Variants in PREX1 observed in about 807,000 individuals in gnomAD.
The protein encoded by PREX1 is phosphatidylinositol 3,4,5-trisphosphate-dependent Rac exchanger 1 protein.
A neutral mutation model predicts 198.3 loss-of-function variants in PREX1; 41 were observed. That is an observed-to-expected ratio of 0.21 (90% confidence interval 0.16 to 0.27). PREX1 has a LOEUF of 0.27. PREX1 is among the 10% of genes least tolerant of loss of function. The pLI, the probability that PREX1 is intolerant of heterozygous loss-of-function variation, is 1.00. For synonymous variants in PREX1, 843 were observed against 887.2 expected (o/e 0.95, Z 0.89); for missense variants, 1,620 against 2,200.7 (o/e 0.74, Z 5.28).
chr20:48,844,639 A>T, the PREX1 span, among the ~76,000 whole-genome samples: 4 of 152,164 alleles, frequency 2.6e-5, no homozygotes, highest in Non-Finnish European at 4.4e-5. Context: ...TTGTGACAGC[A>T]CGATGTCTAG....
Position 48,679,731 on chromosome 20 carries a change from T to C in PREX1, c.1459A>G (p.Asn487Asp). 1.2e-6 allele frequency: 2 copies of C among 1,613,340 alleles called. No homozygotes were observed. Among genetic ancestry groups the C allele is most frequent in the Non-Finnish European group, 1.7e-6 (2 of 1,179,296 alleles). Residue 487 changes from asparagine (N) to aspartate (D), a missense_variant, in exon 12 of 40, where the codon AAT becomes GAT. Physicochemically the swap from Asn to Asp is conservative, Grantham distance 23. Around this residue, in one of 7 missense-constraint regions of PREX1, gnomAD observed 488 missense variants for 802.5 expected, o/e 0.61. Coordinates refer to ENST00000371941, the MANE Select transcript of PREX1 (RefSeq NM_020820.4). ...CGGAAGCGATACATCACCTGCTCAT[T>C]CTTGAACTGGTGCTTGTCGGAAACT... ...HHVSDKHQFK[N>D]EQVMYRFRYD...
intron 9 of PREX1, among the ~76,000 whole-genome samples, chr20:48,689,806 C>T (rs911801712): frequency 1.3e-5 from 2 of 152,202 alleles, no homozygotes; most frequent in African/African-American, 4.8e-5. Context: ...CCTAAAAATC[C>T]AGATGTCTAG....
At position 48,646,688 on chromosome 20, in the gene PREX1, A is replaced by G. The variant is rs549108261; in HGVS notation, c.3306-631T>C. Among the ~76,000 whole-genome samples the G allele has an allele frequency of 4.9e-4, 75 of 152,026 alleles. 1 individual carries two copies. The highest frequency in any genetic ancestry group is 1.5e-3 in the African/African-American group (63 of 41,464). Reference sequence around the variant, plus strand: ...GAGAACCCATCTCAAAAAAAAAAAAAAAAAGAAAAGAAAAGAAAAAGAAAA... The same window carrying G: ...GAGAACCCATCTCAAAAAAAAAAAAGAAAAGAAAAGAAAAGAAAAAGAAAA... On this transcript the variant is annotated intron_variant, in intron 25 of 39. Transcript: ENST00000371941.
At chr20:48,777,937 C>G (rs1330361684) in intron 1 of PREX1, among the ~76,000 whole-genome samples, 1 of 152,118 alleles carries the variant, frequency 6.6e-6, no homozygotes. Context: ...CCAGGGGCTA[C>G]AAACACCAAT....
intron 1 of PREX1, among the ~76,000 whole-genome samples, chr20:48,813,468 G>GA (rs775973887): frequency 3.3e-5 from 5 of 152,228 alleles, no homozygotes; most frequent in Non-Finnish European, 7.3e-5. Flanking sequence ...AGTGAAATCT[G>GA]AATATAGACT....
intron 1 of PREX1, among the ~76,000 whole-genome samples, chr20:48,780,802 T>C (rs2090285989): frequency 6.6e-6 from 1 of 152,166 alleles, no homozygotes; most frequent in Non-Finnish European, 1.5e-5. Context: ...AAACAGGGTA[T>C]TTCCACAGTC....
chr20:48,652,147 C>T (rs969302490), intron 21 of PREX1, among the ~76,000 whole-genome samples: 6 of 152,194 alleles, frequency 3.9e-5, no homozygotes, highest in Admixed American at 6.5e-5. Context: ...TCGTGGGCAT[C>T]GCGGCCGTGC....
At chr20:48,860,717 G>A in the PREX1 span, among the ~76,000 whole-genome samples, 12 of 151,864 alleles carry the variant, frequency 7.9e-5, no homozygotes, top group African/African-American at 2.7e-4. Flanking sequence ...GCACGTGCCA[G>A]TAGCCTACTC....
chr20:48,723,517 C>T (rs987406550), intron 5 of PREX1, among the ~76,000 whole-genome samples: 4 of 152,154 alleles, frequency 2.6e-5, no homozygotes, highest in Non-Finnish European at 5.9e-5. Flanking sequence ...AGTCTAAGGC[C>T]CTGCTTGTTC....
intron 1 of PREX1, among the ~76,000 whole-genome samples, chr20:48,794,965 T>C (rs1373306428): frequency 5.9e-5 from 9 of 152,200 alleles, no homozygotes; most frequent in Admixed American, 3.3e-4. Context: ...TCCCAATGTA[T>C]TGAAACCCTC....
intron 3 of PREX1, among the ~76,000 whole-genome samples, chr20:48,739,166 G>A (rs1361836101): frequency 1.3e-5 from 2 of 152,116 alleles, no homozygotes; most frequent in Non-Finnish European, 2.9e-5. Flanking sequence ...GGCCACGCCA[G>A]TCTCCCTTCT....
chr20:48,655,188 G>C, intron 19 of PREX1, 102 bp downstream of exon 19: 1 of 1,179,874 alleles, frequency 8.5e-7, no homozygotes, highest in East Asian at 2.7e-5. Flanking sequence ...ATGGTACATT[G>C]TCTGGCAGAA....
At chr20:48,762,141 C>T (rs751774975) in intron 1 of PREX1, among the ~76,000 whole-genome samples, 1 of 152,204 alleles carries the variant, frequency 6.6e-6, no homozygotes, top group Non-Finnish European at 1.5e-5. Context: ...GAATGCAGAT[C>T]TTTTTCCTGC....
intron 33 of PREX1, among the ~76,000 whole-genome samples, chr20:48,633,381 C>T (rs902469633): frequency 6.6e-6 from 1 of 152,208 alleles, no homozygotes; most frequent in Non-Finnish European, 1.5e-5. Context: ...GATAAACAGA[C>T]ACAGGGTATA....
intron 15 of PREX1, among the ~76,000 whole-genome samples, chr20:48,663,907 C>T (rs1043678032): frequency 1.4e-5 from 2 of 146,746 alleles, no homozygotes; most frequent in South Asian, 2.1e-4. Flanking sequence ...AGTGTGAGTG[C>T]GCGCACACAC....
chr20:48,711,322 C>A (rs903198954), intron 5 of PREX1, among the ~76,000 whole-genome samples: 1 of 152,178 alleles, frequency 6.6e-6, no homozygotes, highest in Non-Finnish European at 1.5e-5. Flanking sequence ...CAATATAAGA[C>A]CGTGATCTTA....
intron 5 of PREX1, among the ~76,000 whole-genome samples, chr20:48,721,861 A>G (rs2089987808): frequency 6.6e-6 from 1 of 151,746 alleles, no homozygotes; most frequent in Non-Finnish European, 1.5e-5. Flanking sequence ...GGACCTCCTC[A>G]TGGCGAGACA....
At chr20:48,636,825 G>A in intron 31 of PREX1, 142 bp from the exon 32 acceptor site, 3 of 715,286 alleles carry the variant, frequency 4.2e-6, no homozygotes, top group Non-Finnish European at 6.6e-6. Context: ...CTTTTTGGTG[G>A]ACATCCCAGC....
At chr20:48,715,465 A>T (rs2089957789) in intron 5 of PREX1, among the ~76,000 whole-genome samples, 1 of 152,216 alleles carries the variant, frequency 6.6e-6, no homozygotes, top group Non-Finnish European at 1.5e-5. Flanking sequence ...TCTGTGGTCA[A>T]GAGAATGGGT....
Sources: allele counts gnomAD v4.1 joint callset (sites outside exome capture counted in the v4.1 genomes callset), GRCh38; gene constraint gnomAD v4.1.1; regional missense constraint gnomAD v4.1.1; transcripts MANE v1.5; gene names NCBI Gene and HGNC (gene_info 2026-07-23, HGNC 2026-07-21).